Variants in CSMD3 observed in about 807,000 individuals in gnomAD.
CSMD3 encodes the protein CUB and sushi domain-containing protein 3.
A neutral mutation model predicts 435.2 loss-of-function variants in CSMD3; 177 were observed. The ratio of observed to expected loss-of-function variants is 0.41; its 90% CI spans 0.36 to 0.46. The LOEUF is 0.46. Among genes scored for constraint, CSMD3 ranks in the 20% least tolerant of loss-of-function variants. The probability of loss-of-function intolerance (pLI) is 0.34; values close to 1 mark genes in which losing one functional copy is unlikely to be tolerated. For missense variants in CSMD3, 4,265 were observed against 4,504.6 expected (o/e 0.95, Z 1.52); for synonymous variants, 1,656 against 1,520.5 (o/e 1.09, Z -2.07).
intron 27 of CSMD3, among the ~76,000 whole-genome samples, chr8:112,528,851 A>C (rs761180647): frequency 6.6e-6 from 1 of 152,014 alleles, no homozygotes; most frequent in Non-Finnish European, 1.5e-5. Flanking sequence ...CTTGGTTTGC[A>C]CATGTAGCAC....
At chr8:113,375,903 T>C (rs2094379545) in intron 1 of CSMD3, among the ~76,000 whole-genome samples, 1 of 152,228 alleles carries the variant, frequency 6.6e-6, no homozygotes, top group Non-Finnish European at 1.5e-5. Context: ...TCTTATACAA[T>C]TAATTTTGTG....
chr8:112,540,273 A>C (rs1826535452), intron 27 of CSMD3, among the ~76,000 whole-genome samples: 1 of 150,918 alleles, frequency 6.6e-6, no homozygotes, highest in South Asian at 2.1e-4. Flanking sequence ...TCAGAAAGAC[A>C]GAAAATAACA....
chr8:113,311,604 A>G (rs1236545796), intron 2 of CSMD3: 2 of 152,250 alleles, frequency 1.3e-5, no homozygotes, highest in African/African-American at 4.8e-5. Context: ...ACCCAAGAAA[A>G]CAGTGAGTCA....
At chr8:112,991,416 G>A (rs1282786351) in intron 6 of CSMD3, among the ~76,000 whole-genome samples, 1 of 151,664 alleles carries the variant, frequency 6.6e-6, no homozygotes, top group Non-Finnish European at 1.5e-5. Context: ...TGCAAAAATG[G>A]TCAGCCAGTA....
chr8:112,800,045 G>GA, intron 13 of CSMD3, 117 bp downstream of exon 13: 1 of 706,028 alleles, frequency 1.4e-6, no homozygotes, highest in South Asian at 1.5e-5. Context: ...GATCTTTGTT[G>GA]AAATGTAGCA....
intron 3 of CSMD3, among the ~76,000 whole-genome samples, chr8:113,212,660 T>A (rs1022621279): frequency 6.6e-6 from 1 of 151,840 alleles, no homozygotes; most frequent in Non-Finnish European, 1.5e-5. Context: ...ACACCGCATG[T>A]TCTCACTCAT....
intron 61 of CSMD3, among the ~76,000 whole-genome samples, chr8:112,263,295 T>G (rs1313665269): frequency 6.6e-6 from 1 of 152,134 alleles, no homozygotes; most frequent in African/African-American, 2.4e-5. Flanking sequence ...ATGGATTTAT[T>G]GCCGAAAAAG....
chr8:113,216,382 G>C (rs2092906038), intron 3 of CSMD3, among the ~76,000 whole-genome samples: 1 of 151,868 alleles, frequency 6.6e-6, no homozygotes, highest in Non-Finnish European at 1.5e-5. Flanking sequence ...AGTAAGCAGA[G>C]TTCCATTCTA....
At chr8:113,133,312 T>C (rs2091332069) in intron 4 of CSMD3, among the ~76,000 whole-genome samples, 1 of 151,984 alleles carries the variant, frequency 6.6e-6, no homozygotes, top group African/African-American at 2.4e-5. Context: ...AATGAAAAAA[T>C]GCTCAACATC....
intron 2 of CSMD3, among the ~76,000 whole-genome samples, chr8:113,288,552 T>C (rs1282639915): frequency 6.6e-6 from 1 of 151,918 alleles, no homozygotes; most frequent in Admixed American, 6.6e-5. Context: ...TTTAAGGTTA[T>C]ACATGACTGT....
chr8:112,444,853 T>G (rs1304143315), intron 32 of CSMD3, among the ~76,000 whole-genome samples: 1 of 152,186 alleles, frequency 6.6e-6, no homozygotes, highest in Admixed American at 6.5e-5. Context: ...ATCACTGTAT[T>G]TCATTACATG....
At chr8:113,177,401 T>C (rs1280048240) in intron 3 of CSMD3, among the ~76,000 whole-genome samples, 2 of 152,044 alleles carry the variant, frequency 1.3e-5, no homozygotes, top group African/African-American at 4.8e-5. Flanking sequence ...AGCAAATTAT[T>C]ATACCTGAAA....
intron 6 of CSMD3, among the ~76,000 whole-genome samples, chr8:112,994,753 G>A (rs1228695013): frequency 6.6e-6 from 1 of 151,418 alleles, no homozygotes; most frequent in Non-Finnish European, 1.5e-5. Context: ...ACAGACCAGT[G>A]TAGCTCAGTG....
chr8:112,451,142 A>C (rs1477814268), intron 32 of CSMD3, among the ~76,000 whole-genome samples: 1 of 152,208 alleles, frequency 6.6e-6, no homozygotes, highest in Non-Finnish European at 1.5e-5. Context: ...ACAAATTTAA[A>C]TATAAATGAT....
intron 4 of CSMD3, among the ~76,000 whole-genome samples, chr8:113,149,312 C>A (rs1053668198): frequency 6.6e-6 from 1 of 151,802 alleles, no homozygotes; most frequent in African/African-American, 2.4e-5. Context: ...GACATGTGAT[C>A]TGGTCTCTGC....
chr8:113,411,704 C>T (rs552873672), intron 1 of CSMD3, among the ~76,000 whole-genome samples: 34 of 152,190 alleles, frequency 2.2e-4, no homozygotes, highest in African/African-American at 6.5e-4. Flanking sequence ...AAATGCAAAA[C>T]CCATATATCC....
chr8:112,393,639 C>T (rs1830626072), intron 35 of CSMD3, among the ~76,000 whole-genome samples: 1 of 152,168 alleles, frequency 6.6e-6, no homozygotes, highest in African/African-American at 2.4e-5. Flanking sequence ...AAGCTATCTC[C>T]TCTTCCTCCA....
rs548491039 is a variant in CSMD3 at position 113,004,154 on chromosome 8, C to T, written c.1030+14913G>A. Among the ~76,000 whole-genome samples, 21 of 151,956 alleles carry T rather than the reference C, an allele frequency of 1.4e-4. No homozygotes were observed. The East Asian group carries it at 3.9e-3, about 28-fold the overall frequency. On this transcript the variant is annotated intron_variant, in intron 6 of 70. Coordinates refer to ENST00000297405, the MANE Select transcript of CSMD3 (RefSeq NM_198123.2). ...TGTAGAACTATGAGTAGTTTTAAAA[C>T]AAGTTATTCTTTAGCAACAAAATAT...
intron 13 of CSMD3, among the ~76,000 whole-genome samples, chr8:112,707,387 G>A (rs935660962): frequency 6.6e-6 from 1 of 151,684 alleles, no homozygotes; most frequent in African/African-American, 2.4e-5. Context: ...TAAAATTAAA[G>A]GGCTATCAGC....
Sources: gnomAD v4.1 joint callset for allele counts (sites outside exome capture counted in the v4.1 genomes callset) on GRCh38, gnomAD v4.1.1 for gene constraint, MANE v1.5 for transcripts, NCBI Gene and HGNC (gene_info 2026-07-23, HGNC 2026-07-21) for gene names.